HERC4: variants seen among roughly 807,000 people sequenced by gnomAD.
HERC4 encodes probable E3 ubiquitin-protein ligase HERC4.
HERC4 carries 28 observed loss-of-function variants against 124.3 expected under a neutral mutation model. The observed-to-expected ratio is 0.23, with a 90% CI of 0.17 to 0.31. HERC4 has a LOEUF of 0.31. Ranked by LOEUF, HERC4 falls within the 10% of genes least tolerant of loss-of-function variation. The probability of loss-of-function intolerance (pLI) is 1.00; values close to 1 mark genes in which losing one functional copy is unlikely to be tolerated. For missense variants in HERC4, 713 were observed against 1,229.3 expected, an observed-to-expected ratio of 0.58 and a Z score of 6.28; for synonymous variants, 407 against 421.5, an observed-to-expected ratio of 0.97 and a Z score of 0.42.
intron 23 of HERC4, among the ~76,000 whole-genome samples, chr10:67,927,598 G>A (rs12415059): frequency 0.11 from 16,524 of 150,484 alleles, 934 homozygotes; most frequent in South Asian, 0.15. Flanking sequence ...GCTAATTTTC[G>A]TATTTTTAGT....
chr10:67,941,951 TG>T (rs1364552581), intron 19 of HERC4, among the ~76,000 whole-genome samples: 3 of 152,114 alleles, frequency 2.0e-5, no homozygotes, highest in Non-Finnish European at 4.4e-5. Context: ...CCACCGTGCC[TG>T]GCCAAAACAT....
At chr10:67,950,995 T>C (rs1482167335) in intron 19 of HERC4, among the ~76,000 whole-genome samples, 2 of 152,008 alleles carry the variant, frequency 1.3e-5, no homozygotes, top group Admixed American at 6.6e-5. Flanking sequence ...CCGTACCAAA[T>C]GTAAGGAAAT....
intron 3 of HERC4, among the ~76,000 whole-genome samples, chr10:68,059,503 T>TTATAATATTATATATTATAACATTA (rs1564607069): frequency 1.7e-5 from 2 of 117,424 alleles, no homozygotes; most frequent in South Asian, 2.5e-4. Context: ...ACATTATATA[T>TTATAATATTATATATTATAACATTA]TATAATATTA....
chr10:68,034,145 A>G lies in HERC4; in HGVS notation c.505T>C (p.Leu169=), dbSNP rs760545279. The G allele has an allele frequency of 3.1e-6, 5 of 1,613,992 alleles. No homozygotes were observed. In the East Asian group the frequency reaches 6.7e-5, roughly 22 times the overall value. ...TTTTTACAGTCAGTACCTAAACCCA[A>G]TTGGCCATATTTATTCTGTCCCCAA... ...FCWGQNKYGQ[L]GLGTDCKKQT... The change falls in exon 6 of 25, where the codon TTG becomes CTG. Residue 169 remains leucine (L), a synonymous_variant. Coordinates refer to ENST00000373700, the MANE Select transcript of HERC4 (RefSeq NM_015601.4).
chr10:67,945,408 C>A (rs1431130385), intron 19 of HERC4, among the ~76,000 whole-genome samples: 3 of 152,040 alleles, frequency 2.0e-5, no homozygotes, highest in African/African-American at 7.2e-5. Flanking sequence ...AAAATAAAAG[C>A]TGAGGGATTT....
At chr10:68,055,178 C>A (rs186594603) in intron 3 of HERC4, among the ~76,000 whole-genome samples, 2 of 152,148 alleles carry the variant, frequency 1.3e-5, no homozygotes, top group African/African-American at 4.8e-5. Flanking sequence ...ACATGATGGA[C>A]TTAACAATCA....
At chr10:68,031,539 C>T (rs1442676338) in intron 7 of HERC4, among the ~76,000 whole-genome samples, 1 of 151,570 alleles carries the variant, frequency 6.6e-6, no homozygotes, top group East Asian at 1.9e-4. Flanking sequence ...TACTTTTGCG[C>T]CAACCTAATA....
chr10:68,059,033 T>C (rs1387581855), intron 3 of HERC4, among the ~76,000 whole-genome samples: 2 of 152,134 alleles, frequency 1.3e-5, no homozygotes, highest in Admixed American at 1.3e-4. Context: ...CAAATGCAAG[T>C]GTGTATTTTT....
In HERC4 at chr10:67,952,844, G is replaced by A. The variant is rs113530324; in HGVS notation, c.2337+1751C>T. Among the ~76,000 whole-genome samples the A allele has an allele frequency of 1.3e-5, 2 of 151,714 alleles. 1 individual carries two copies. The highest frequency in any genetic ancestry group is 4.8e-5 in the African/African-American group (2 of 41,388). ...GAACCTGGGAGGCAGAGCTTGCAGTGAGCCGAGAGTGCGCCACTGTACTCC... is the reference window on the plus strand; with the variant it reads ...GAACCTGGGAGGCAGAGCTTGCAGTAAGCCGAGAGTGCGCCACTGTACTCC... On this transcript the variant is annotated intron_variant, in intron 19 of 24. Transcript: ENST00000373700.
chr10:68,057,770 A>G (rs1269313228), intron 3 of HERC4, among the ~76,000 whole-genome samples: 1 of 152,036 alleles, frequency 6.6e-6, no homozygotes, highest in Non-Finnish European at 1.5e-5. Context: ...GCAGTGGTGC[A>G]ATCACTGCAA....
chr10:68,028,896 C>T lies in HERC4; in HGVS notation c.778-3220G>A, dbSNP rs555432819. On this transcript the variant is annotated intron_variant, in intron 7 of 24. Transcript: ENST00000373700. The stretch of plus-strand genomic sequence containing the variant: ...AGCAAATTTACTTCTAGCAGTAAGA[C>T]TACAGAATGCACACTTGTAATTCCA... Among the ~76,000 whole-genome samples, 7 of 152,234 alleles carry T rather than the reference C, an allele frequency of 4.6e-5. No homozygotes were observed. In the East Asian group the frequency reaches 1.4e-3, roughly 29 times the overall value.
chr10:67,999,694 A>C (rs1195033119), intron 9 of HERC4, among the ~76,000 whole-genome samples: 1 of 152,236 alleles, frequency 6.6e-6, no homozygotes, highest in African/African-American at 2.4e-5. Context: ...TGAACTGATG[A>C]AGAAAAATTT....
intron 19 of HERC4, among the ~76,000 whole-genome samples, chr10:67,949,055 C>T (rs746180938): frequency 5.9e-5 from 9 of 152,144 alleles, no homozygotes; most frequent in Middle Eastern, 3.4e-3. Flanking sequence ...AAATCGAGAT[C>T]ATCCTGGCTA....
chr10:68,005,280 C>G (rs1054057851), intron 9 of HERC4, among the ~76,000 whole-genome samples: 31 of 152,166 alleles, frequency 2.0e-4, no homozygotes, highest in African/African-American at 7.0e-4. Flanking sequence ...ATCCTTTTAT[C>G]ATTATACAAT....
intron 15 of HERC4, chr10:67,988,158 C>T (rs1447480284): frequency 6.6e-6 from 1 of 152,064 alleles, no homozygotes; most frequent in African/African-American, 2.4e-5. Context: ...GGAAGAAGGG[C>T]AGGGAAGAAC....
At chr10:67,988,613 C>T in intron 15 of HERC4, 50 bp downstream of exon 15, 1 of 1,150,440 alleles carries the variant, frequency 8.7e-7, no homozygotes, top group South Asian at 1.6e-5. Flanking sequence ...CAGTATCAAT[C>T]TGTTAATAGG....
intron 9 of HERC4, among the ~76,000 whole-genome samples, chr10:67,998,842 G>T (rs1315564549): frequency 6.6e-6 from 1 of 152,118 alleles, no homozygotes; most frequent in South Asian, 2.1e-4. Context: ...GGGTTCAAGC[G>T]ATTCTCCTGC....
intron 8 of HERC4, among the ~76,000 whole-genome samples, chr10:68,023,952 T>C (rs2038776681): frequency 6.6e-6 from 1 of 152,134 alleles, no homozygotes; most frequent in Non-Finnish European, 1.5e-5. Flanking sequence ...AAGTAAAATA[T>C]TAATAAATTC....
At chr10:68,062,895 T>C (rs1392194279) in intron 3 of HERC4, among the ~76,000 whole-genome samples, 3 of 152,194 alleles carry the variant, frequency 2.0e-5, no homozygotes, top group Non-Finnish European at 2.9e-5. Flanking sequence ...TGAATAGATA[T>C]TCACCAAATT....
Sources: gnomAD v4.1 joint callset for allele counts (sites outside exome capture counted in the v4.1 genomes callset) on GRCh38, gnomAD v4.1.1 for gene constraint, MANE v1.5 for transcripts, NCBI Gene and HGNC (gene_info 2026-07-23, HGNC 2026-07-21) for gene names.